Variants in EXO1 observed in about 807,000 individuals in gnomAD.
EXO1 encodes the protein exonuclease 1.
EXO1 carries 69 observed loss-of-function variants against 84.5 expected under a neutral mutation model. The observed-to-expected ratio is 0.82, with a 90% CI of 0.67 to 1.00. EXO1 has a LOEUF of 1.00. Among genes scored for constraint, EXO1 ranks in the 50% least tolerant of loss-of-function variants. EXO1 has a pLI of 0.00. For missense variants in EXO1, 1,045 were observed against 1,000.7 expected (o/e 1.04, Z -0.60); for synonymous variants, 373 against 366.1 (o/e 1.02, Z -0.21).
At chr1:241,861,794 C>G (rs1356365304) in intron 10 of EXO1, among the ~76,000 whole-genome samples, 1 of 152,152 alleles carries the variant, frequency 6.6e-6, no homozygotes, top group African/African-American at 2.4e-5. Context: ...TCATCTCACT[C>G]CGTTCGGCTT....
intron 12 of EXO1, among the ~76,000 whole-genome samples, chr1:241,877,824 A>G (rs765730196): frequency 6.6e-6 from 1 of 152,160 alleles, no homozygotes; most frequent in Admixed American, 6.6e-5. Context: ...TTAAAAGAGT[A>G]TAGAAGTTTA....
At chr1:241,873,512 T>C (rs1158270191) in intron 12 of EXO1, among the ~76,000 whole-genome samples, 1 of 152,196 alleles carries the variant, frequency 6.6e-6, no homozygotes, top group Non-Finnish European at 1.5e-5. Flanking sequence ...TTCTACTTTT[T>C]TGTTTTCTTT....
At chr1:241,867,113 T>C (rs1661791537) in intron 11 of EXO1, 58 bp downstream of exon 11, 2 of 1,274,930 alleles carry the variant, frequency 1.6e-6, no homozygotes, top group Admixed American at 3.5e-5. Context: ...AAAGAAATCA[T>C]TGCCCAACGC....
chr1:241,857,533 A>T (rs1421082346), intron 7 of EXO1, 51 bp downstream of exon 7: 1 of 1,310,958 alleles, frequency 7.6e-7, no homozygotes, highest in Non-Finnish European at 1.0e-6. Flanking sequence ...ATAGTAGTGT[A>T]AATCAAGGAG....
chr1:241,881,874 A>G (rs954009798), intron 13 of EXO1, 42 bp from the exon 14 acceptor site: 9 of 1,027,828 alleles, frequency 8.8e-6, no homozygotes, highest in Admixed American at 7.3e-5. Flanking sequence ...ATTCTACAGT[A>G]AAAATCTAAT....
chr1:241,878,250 A>G (rs1390017472), intron 12 of EXO1, among the ~76,000 whole-genome samples: 3 of 152,162 alleles, frequency 2.0e-5, no homozygotes, highest in Admixed American at 1.3e-4. Context: ...TGTAATCCCA[A>G]CACTTTGTGA....
At position 241,879,230 on chromosome 1, in the gene EXO1, C is replaced by A. The variant is rs1483724502; in HGVS notation, c.1996C>A (p.Pro666Thr). ...GGAGTCCAGTGACGATGAGTCTCAT[C>A]CCTTACGAGAAGAGGCATGTTCTTC... ...SEESSDDESH[P>T]LREEACSSQS... The change falls in exon 13 of 16, where the codon CCC becomes ACC. Residue 666 changes from proline to threonine, a missense_variant. Transcript: ENST00000366548. 3 of 1,600,544 alleles carry A rather than the reference C, an allele frequency of 1.9e-6. No individual in the cohort carries two copies. In the African/African-American group the frequency reaches 4.0e-5, roughly 22 times the overall value.
intron 14 of EXO1, among the ~76,000 whole-genome samples, chr1:241,883,989 G>A (rs926156474): frequency 6.6e-6 from 1 of 152,096 alleles, no homozygotes; most frequent in Non-Finnish European, 1.5e-5. Flanking sequence ...CTTCAGGTGA[G>A]CTCTCCCTGA....
intron 11 of EXO1, among the ~76,000 whole-genome samples, chr1:241,870,616 A>G (rs1662031301): frequency 2.6e-5 from 4 of 152,180 alleles, no homozygotes; most frequent in Non-Finnish European, 1.5e-5. Flanking sequence ...GATAATTGAT[A>G]TTTGCCAGTT....
intron 12 of EXO1, among the ~76,000 whole-genome samples, chr1:241,875,160 T>C (rs144329310): frequency 0.016 from 2,387 of 152,202 alleles, 174 homozygotes; most frequent in Admixed American, 0.13. Flanking sequence ...CCCGCCACCA[T>C]GCCCAGCTAA....
chr1:241,865,337 A>G (rs4149938), intron 10 of EXO1, among the ~76,000 whole-genome samples: 11,789 of 150,108 alleles, frequency 0.079, 719 homozygotes, highest in Admixed American at 0.2. Flanking sequence ...TCAGGCTCCC[A>G]ACTAGCTGGA....
intron 11 of EXO1, among the ~76,000 whole-genome samples, chr1:241,868,508 T>A (rs1293953482): frequency 3.9e-5 from 6 of 152,178 alleles, no homozygotes; most frequent in African/African-American, 9.6e-5. Context: ...ACAAAAGAAA[T>A]TTTTTAAACA....
chr1:241,874,105 A>G (rs1384490533), intron 12 of EXO1, among the ~76,000 whole-genome samples: 3 of 152,178 alleles, frequency 2.0e-5, no homozygotes, highest in Non-Finnish European at 4.4e-5. Context: ...GGCGATAGAA[A>G]CATTGAGAGG....
Position 241,853,389 on chromosome 1 carries a change from C to G in EXO1, c.313C>G (p.Gln105Glu), listed in dbSNP as rs766819069. Residue 105 changes from glutamine (Q) to glutamate (E), a missense_variant, in exon 6 of 16, where the codon CAA becomes GAA. Gln to Glu is a conservative substitution (Grantham distance 29, BLOSUM62 2). Transcript: ENST00000366548. ...RRQANLLKGK[Q>E]LLREGKVSEA... ...ACAAGCCAATCTTCTTAAGGGAAAG[C>G]AACTTCTTCGTGAGGGGAAAGTCTC... 3 of 1,613,962 alleles carry G rather than the reference C, an allele frequency of 1.9e-6. No homozygotes were observed. The East Asian group carries it at 6.7e-5, about 36-fold the overall frequency.
chr1:241,885,539 G>C (rs4150002), intron 15 of EXO1, 32 bp downstream of exon 15: 2 of 1,494,272 alleles, frequency 1.3e-6, no homozygotes, highest in Non-Finnish European at 1.9e-6. Flanking sequence ...TCTGAAACAA[G>C]ATAAACTGTT....
intron 7 of EXO1, among the ~76,000 whole-genome samples, chr1:241,858,257 T>C (rs935858357): frequency 2.6e-5 from 4 of 152,226 alleles, no homozygotes; most frequent in African/African-American, 9.6e-5. Flanking sequence ...AATAAAGAGA[T>C]GCAAAAAGAG....
At chr1:241,882,996 G>T (rs2148527239) in intron 14 of EXO1, among the ~76,000 whole-genome samples, 2 of 152,224 alleles carry the variant, frequency 1.3e-5, no homozygotes, top group South Asian at 4.1e-4. Context: ...TACTGCATTG[G>T]TTATAATAGT....
intron 6 of EXO1, among the ~76,000 whole-genome samples, chr1:241,855,274 AC>A (rs201066252): frequency 0.08 from 12,158 of 152,046 alleles, 722 homozygotes; most frequent in Admixed American, 0.19. Context: ...AAGATTCTCC[AC>A]TGTCCCCATC....
At chr1:241,875,662 A>C (rs1662351732) in intron 12 of EXO1, among the ~76,000 whole-genome samples, 1 of 152,162 alleles carries the variant, frequency 6.6e-6, no homozygotes, top group South Asian at 2.1e-4. Context: ...TCGGATCATG[A>C]GGTCAGGAGA....
Sources: allele counts gnomAD v4.1 joint callset (sites outside exome capture counted in the v4.1 genomes callset), GRCh38; gene constraint gnomAD v4.1.1; transcripts MANE v1.5; gene names NCBI Gene and HGNC (gene_info 2026-07-23, HGNC 2026-07-21).